CTNNA2: variants seen among roughly 807,000 people sequenced by gnomAD.
CTNNA2 encodes the protein catenin alpha-2.
In CTNNA2, 42 loss-of-function variants were observed where a neutral mutation model predicts 101.0. That is an observed-to-expected ratio of 0.42 (90% CI 0.32 to 0.54). The LOEUF (loss-of-function observed/expected upper bound fraction) is 0.54. Among genes scored for constraint, CTNNA2 ranks in the 20% least tolerant of loss-of-function variants. The pLI is 0.14. For missense variants in CTNNA2, 871 were observed against 1,223.1 expected (o/e 0.71, Z 4.29); for synonymous variants, 450 against 456.4 (o/e 0.99, Z 0.18).
chr2:79,360,182 C>A (rs544425481), intron 3 of CTNNA2, among the ~76,000 whole-genome samples: 8 of 152,266 alleles, frequency 5.3e-5, no homozygotes, highest in African/African-American at 1.9e-4. Context: ...CAACTTTCCT[C>A]GCCCTCAGAA....
At chr2:79,900,227 T>C (rs530456289) in intron 6 of CTNNA2, among the ~76,000 whole-genome samples, 1 of 152,258 alleles carries the variant, frequency 6.6e-6, no homozygotes, top group South Asian at 2.1e-4. Flanking sequence ...GGCATTTTAA[T>C]GGGAAACTGG....
chr2:80,550,351 G>C (rs553567758), intron 11 of CTNNA2, among the ~76,000 whole-genome samples: 1 of 152,050 alleles, frequency 6.6e-6, no homozygotes, highest in Non-Finnish European at 1.5e-5. Flanking sequence ...TCAGAGTGGT[G>C]GTTCCTGTGT....
intron 7 of CTNNA2, among the ~76,000 whole-genome samples, chr2:80,138,125 A>G (rs948704725): frequency 1.3e-5 from 2 of 152,184 alleles, no homozygotes; most frequent in East Asian, 1.9e-4. Flanking sequence ...AAATCCATAA[A>G]TATCTTGTAT....
chr2:80,532,419 G>T (rs528629690), intron 9 of CTNNA2, among the ~76,000 whole-genome samples: 1 of 152,270 alleles, frequency 6.6e-6, no homozygotes, highest in Admixed American at 6.5e-5. Context: ...TCGTCACTTA[G>T]TATCCTTCTT....
At chr2:79,217,831 T>C (rs887076414) in intron 2 of CTNNA2, among the ~76,000 whole-genome samples, 2 of 152,188 alleles carry the variant, frequency 1.3e-5, no homozygotes, top group Non-Finnish European at 2.9e-5. Flanking sequence ...ATCTACCCAA[T>C]TCCTATTTTC....
chr2:79,366,664 T>C (rs4852479), intron 3 of CTNNA2, among the ~76,000 whole-genome samples: 116,559 of 152,160 alleles, frequency 0.77, 44,932 homozygotes, highest in East Asian at 0.96. Flanking sequence ...ATAAGAGAGT[T>C]ATCAGAGGTT....
chr2:80,621,593 C>T (rs1216876901), intron 18 of CTNNA2, among the ~76,000 whole-genome samples: 2 of 151,862 alleles, frequency 1.3e-5, no homozygotes, highest in Non-Finnish European at 2.9e-5. Flanking sequence ...TTGTGTTATT[C>T]TAATTATTGG....
intron 7 of CTNNA2, among the ~76,000 whole-genome samples, chr2:80,120,212 T>C (rs1156646425): frequency 6.6e-6 from 1 of 152,230 alleles, no homozygotes. Context: ...TTTCATTCAT[T>C]AAAAGTAATA....
intron 9 of CTNNA2, among the ~76,000 whole-genome samples, chr2:80,491,993 C>A (rs560985202): frequency 2.6e-5 from 4 of 152,222 alleles, no homozygotes; most frequent in Admixed American, 1.3e-4. Flanking sequence ...TGATATTGAA[C>A]CTCAGGTCCT....
intron 7 of CTNNA2, among the ~76,000 whole-genome samples, chr2:80,042,447 T>G (rs1696129497): frequency 6.6e-6 from 1 of 152,194 alleles, no homozygotes; most frequent in Non-Finnish European, 1.5e-5. Context: ...AATTAACTTA[T>G]CCTAAAGAAA....
intron 7 of CTNNA2, among the ~76,000 whole-genome samples, chr2:80,253,555 G>T (rs1281345104): frequency 6.6e-6 from 1 of 152,100 alleles, no homozygotes; most frequent in Non-Finnish European, 1.5e-5. Flanking sequence ...TCTACCTGCT[G>T]TTCTTTTGCA....
At chr2:79,307,315 C>T (rs1317211892) in intron 2 of CTNNA2, among the ~76,000 whole-genome samples, 1 of 149,194 alleles carries the variant, frequency 6.7e-6, no homozygotes, top group African/African-American at 2.5e-5. Context: ...TCCTACAGTG[C>T]TATAGAGCAC....
chr2:79,418,405 C>G lies in CTNNA2; in HGVS notation c.-135+44392C>G, dbSNP rs1221765431. Among the ~76,000 whole-genome samples the G allele has an allele frequency of 2.0e-5, 3 of 152,036 alleles. No homozygotes were observed. The East Asian group carries it at 5.8e-4, about 29-fold the overall frequency. ...ACTTAAACTGTAAACTAAATGTCTC[C>G]CAAAGTAGCTTGACCTAAGCCCAGT... On this transcript the variant is annotated intron_variant, in intron 4 of 21. Transcript: ENST00000466387.
At chr2:79,415,789 G>T (rs1002944529) in intron 4 of CTNNA2, among the ~76,000 whole-genome samples, 4 of 151,910 alleles carry the variant, frequency 2.6e-5, no homozygotes, top group Non-Finnish European at 5.9e-5. Context: ...GATCCTCACC[G>T]TCAACAAATG....
intron 2 of CTNNA2, among the ~76,000 whole-genome samples, chr2:79,251,613 C>T (rs780182848): frequency 3.1e-4 from 47 of 152,086 alleles, no homozygotes; most frequent in African/African-American, 9.6e-4. Flanking sequence ...GGAAGCCAGC[C>T]GTCATGTTGT....
chr2:80,156,538 G>A (rs1161877737), intron 7 of CTNNA2, among the ~76,000 whole-genome samples: 1 of 152,222 alleles, frequency 6.6e-6, no homozygotes, highest in African/African-American at 2.4e-5. Flanking sequence ...AGGCTTAGGA[G>A]AAAGGAGAAA....
chr2:80,513,986 C>T (rs1688909028), intron 9 of CTNNA2, among the ~76,000 whole-genome samples: 1 of 152,206 alleles, frequency 6.6e-6, no homozygotes, highest in Non-Finnish European at 1.5e-5. Context: ...TCTCAGCAAT[C>T]ATTTACCATT....
intron 2 of CTNNA2, among the ~76,000 whole-genome samples, chr2:79,211,560 C>T (rs545072585): frequency 1.3e-5 from 2 of 152,096 alleles, no homozygotes; most frequent in South Asian, 2.1e-4. Context: ...ACAAGATGCT[C>T]AGTAGGGGAG....
chr2:79,461,273 A>G (rs1237693468), intron 4 of CTNNA2, among the ~76,000 whole-genome samples: 2 of 152,258 alleles, frequency 1.3e-5, no homozygotes, highest in Non-Finnish European at 2.9e-5. Context: ...TGCTTGTTCT[A>G]AACTCCAATT....
Sources: allele counts gnomAD v4.1 joint callset (sites outside exome capture counted in the v4.1 genomes callset), GRCh38; gene constraint gnomAD v4.1.1; transcripts MANE v1.5; gene names NCBI Gene and HGNC (gene_info 2026-07-23, HGNC 2026-07-21).